CFHR4: variants seen among roughly 807,000 people sequenced by gnomAD.
CFHR4 encodes the protein complement factor H related 4, also known as complement factor H-related protein 4.
In CFHR4, 64 loss-of-function variants were observed where a neutral mutation model predicts 69.3. The observed-to-expected ratio is 0.92, with a 90% CI of 0.76 to 1.14. CFHR4 has a LOEUF of 1.14. Among genes scored for constraint, CFHR4 ranks in the 50% most tolerant of loss-of-function variants. The probability of loss-of-function intolerance (pLI) is 0.00; values close to 1 mark genes in which losing one functional copy is unlikely to be tolerated. For synonymous variants in CFHR4, 244 were observed against 237.0 expected (o/e 1.03, Z -0.27); for missense variants, 636 against 684.9 (o/e 0.93, Z 0.80).
chr1:196,917,742 A>G (rs1571459192), intron 9 of CFHR4, among the ~76,000 whole-genome samples: 2 of 151,744 alleles, frequency 1.3e-5, no homozygotes, highest in East Asian at 3.9e-4. Context: ...ACCTTTCTAC[A>G]GTTCTTTTTC....
chr1:196,906,126 T>C (rs980965867), intron 3 of CFHR4, among the ~76,000 whole-genome samples: 4 of 151,470 alleles, frequency 2.6e-5, no homozygotes, highest in African/African-American at 9.7e-5. Flanking sequence ...TTCAACTATT[T>C]TTAGCCATGA....
Position 196,907,484 on chromosome 1 carries a change from CA to C in CFHR4, c.786del (p.Pro263GlnfsTer6). 1 of 1,609,122 alleles carries C rather than the reference CA, an allele frequency of 6.2e-7. No homozygotes were observed. On this transcript the variant is annotated frameshift_variant, in exon 5 of 10. Coordinates refer to ENST00000608469, the MANE Select transcript of CFHR4 (RefSeq NM_001201550.3). LOFTEE classifies it high-confidence loss of function. ...VTCSNGDWSEPPRCISMKPCE... is the reference protein window; with the variant it reads ...VTCSNGDWSEXPRCISMKPCE... ...TGTAGTAATGGAGACTGGTCAGAAC[CA>C]CCAAGATGCATATGTAAGTTCTTAA... is the stretch of plus-strand genomic sequence containing the variant.
At chr1:196,894,897 A>ACAACAACAG (rs1393591474) in intron 1 of CFHR4, among the ~76,000 whole-genome samples, 2 of 150,418 alleles carry the variant, frequency 1.3e-5, no homozygotes, top group Non-Finnish European at 3.0e-5. Flanking sequence ...AAAAACAACA[A>ACAACAACAG]CAACAACAAC....
rs758949451 is a variant in CFHR4, at chr1:196,918,430, A to G, written c.*24A>G. 2 of 1,590,448 alleles carry G rather than the reference A, an allele frequency of 1.3e-6. No homozygotes were observed. The highest frequency in any genetic ancestry group is 1.7e-5 in the Admixed American group (1 of 59,810). On this transcript the variant is annotated 3_prime_UTR_variant, in exon 10 of 10. Transcript: ENST00000608469. ...AAGGCAGCATTGTTACCCTAAATGT[A>G]TGTCCAACTTCCACTTCTCACTCTT...
chr1:196,888,309 A>T, intron 1 of CFHR4, 101 bp downstream of exon 1: 1 of 1,171,812 alleles, frequency 8.5e-7, no homozygotes, highest in Non-Finnish European at 1.3e-6. Context: ...ATCTGATAGG[A>T]TATATTCACT....
At chr1:196,891,996 A>AT (rs1261315635) in intron 1 of CFHR4, among the ~76,000 whole-genome samples, 1 of 151,452 alleles carries the variant, frequency 6.6e-6, no homozygotes, top group African/African-American at 2.4e-5. Context: ...TACATTTCAG[A>AT]TTTTTTCTTA....
intron 7 of CFHR4, 108 bp downstream of exon 7, chr1:196,913,030 T>C: frequency 6.4e-7 from 1 of 1,566,556 alleles, no homozygotes; most frequent in East Asian, 2.3e-5. Context: ...AGTAAAGAGA[T>C]ACAAATACTT....
At position 196,906,284 on chromosome 1, in the gene CFHR4, G is replaced by A. The variant is rs116691791; in HGVS notation, c.440-577G>A. 1.5e-4 allele frequency among the ~76,000 whole-genome samples: 23 copies of A among 151,260 alleles called. 1 individual carries two copies. Among genetic ancestry groups the A allele is most frequent in the African/African-American group, 4.4e-4 (18 of 40,994 alleles). ...TTTGGGAGCTATAAAATATCAATTC[G>A]TACATTTCTAGAATACTGTTTTCAA... is the stretch of plus-strand genomic sequence containing the variant. On this transcript the variant is annotated intron_variant, in intron 3 of 9. Coordinates refer to ENST00000608469, the MANE Select transcript of CFHR4 (RefSeq NM_001201550.3).
rs548843714 is a variant in CFHR4 at position 196,896,461 on chromosome 1, A to G, written c.59-5957A>G. On this transcript the variant is annotated intron_variant, in intron 1 of 9. Transcript: ENST00000608469. ...TTGCAACAATGGAGAAAGCCGAAAA[A>G]CAATGGCCGCCTATCTTTCTGTCTG... is the stretch of plus-strand genomic sequence containing the variant. Among the ~76,000 whole-genome samples the G allele has an allele frequency of 5.9e-5, 9 of 151,644 alleles. No individual in the cohort carries two copies. The South Asian group carries it at 1.0e-3, about 18-fold the overall frequency.
chr1:196,905,530 C>T (rs982525060), intron 3 of CFHR4, among the ~76,000 whole-genome samples: 2 of 151,346 alleles, frequency 1.3e-5, no homozygotes, highest in Non-Finnish European at 2.9e-5. Context: ...AAAAGCAATC[C>T]CATCAGGTAC....
intron 1 of CFHR4, 25 bp downstream of exon 1, chr1:196,888,233 T>A: frequency 6.2e-7 from 1 of 1,605,980 alleles, no homozygotes; most frequent in Non-Finnish European, 8.5e-7. Context: ...ATCTAAACAC[T>A]CAGCTTCCCT....
chr1:196,891,392 A>G (rs1657026253), intron 1 of CFHR4, among the ~76,000 whole-genome samples: 2 of 151,640 alleles, frequency 1.3e-5, no homozygotes, highest in South Asian at 4.2e-4. Context: ...TCCAATACGG[A>G]GGAGACACTC....
chr1:196,894,181 T>A (rs1657169114), intron 1 of CFHR4, among the ~76,000 whole-genome samples: 1 of 151,632 alleles, frequency 6.6e-6, no homozygotes, highest in Admixed American at 6.6e-5. Flanking sequence ...CAAAACTTAA[T>A]AATTCACTTA....
At chr1:196,914,444 T>G (rs759201800) in intron 7 of CFHR4, 51 bp from the exon 8 acceptor site, 28 of 1,553,444 alleles carry the variant, frequency 1.8e-5, no homozygotes, top group Non-Finnish European at 2.4e-5. Context: ...CTTAGTTGAG[T>G]TGTGCATCGT....
chr1:196,904,978 A>G (rs1558243422), intron 2 of CFHR4, 130 bp from the exon 3 acceptor site: 1 of 891,986 alleles, frequency 1.1e-6, no homozygotes, highest in East Asian at 3.0e-5. Context: ...GGAAACTTCC[A>G]GTTTTGCTGT....
Position 196,912,824 on chromosome 1 carries a change from A to C in CFHR4, c.1082A>C (p.Gln361Pro), listed in dbSNP as rs570424153. The change falls in exon 7 of 10, where the codon CAA (glutamine) becomes CCA (proline). Residue 361 changes from glutamine (Q) to proline (P), a missense_variant. By Grantham distance (76) the Gln-to-Pro change is moderately conservative. This residue lies in a region of CFHR4 where 529 missense variants were observed against 533.2 expected (regional missense o/e 0.99). Transcript: ENST00000608469. The stretch of plus-strand genomic sequence containing the variant: ...ATTTATATTTTAAATAAAGAAATAC[A>C]ATATAAATGTAAACCAGGATATGCA... ...SSIYILNKEI[Q>P]YKCKPGYATA... The C allele has an allele frequency of 2.6e-5, 41 of 1,606,452 alleles. 3 individuals are homozygous for C. The highest frequency in any genetic ancestry group is 2.4e-5 in the Non-Finnish European group (28 of 1,176,790).
At chr1:196,891,921 G>A (rs1038587033) in intron 1 of CFHR4, among the ~76,000 whole-genome samples, 1 of 151,242 alleles carries the variant, frequency 6.6e-6, no homozygotes. Flanking sequence ...AAGAATGTAT[G>A]CCATCTAATA....
chr1:196,889,712 C>T (rs911327566), intron 1 of CFHR4, among the ~76,000 whole-genome samples: 1 of 151,482 alleles, frequency 6.6e-6, no homozygotes, highest in African/African-American at 2.4e-5. Flanking sequence ...AACTGCATCC[C>T]TCCAAAATTT....
chr1:196,912,727 T>C lies in CFHR4; in HGVS notation c.998-13T>C. On this transcript the variant is annotated splice_polypyrimidine_tract_variant and intron_variant, in intron 6 of 9. Transcript: ENST00000608469. ...ACAAATATTTACTTTTTTCTCTACT[T>C]TTTCTATTTTAGGAACATGCTCAAA... 1 of 1,567,614 alleles carries C rather than the reference T, an allele frequency of 6.4e-7. No homozygotes were observed. Among genetic ancestry groups the C allele is most frequent in the Non-Finnish European group, 8.6e-7 (1 of 1,159,584 alleles).
Sources: allele counts gnomAD v4.1 joint callset (sites outside exome capture counted in the v4.1 genomes callset), GRCh38; gene constraint gnomAD v4.1.1; regional missense constraint gnomAD v4.1.1; transcripts MANE v1.5; gene names NCBI Gene and HGNC (gene_info 2026-07-23, HGNC 2026-07-21).